The following HMGA2 variants were observed in gnomAD, a reference collection of about 807,000 sequenced individuals.
The protein encoded by HMGA2 is high mobility group protein HMGI-C.
A neutral mutation model predicts 19.1 loss-of-function variants in HMGA2; 8 were observed. The ratio of observed to expected loss-of-function variants is 0.42; its 90% confidence interval spans 0.25 to 0.76. The LOEUF (loss-of-function observed/expected upper bound fraction) is 0.76. Among genes scored for constraint, HMGA2 ranks in the 30% least tolerant of loss-of-function variants. The pLI, the probability that HMGA2 is intolerant of heterozygous loss-of-function variation, is 0.28. For synonymous variants in HMGA2, 60 were observed against 48.8 expected (o/e 1.23, Z -0.96); for missense variants, 109 against 136.3 (o/e 0.80, Z 1.00).
At chr12:65,920,938 A>G (rs1875284489) in intron 3 of HMGA2, among the ~76,000 whole-genome samples, 1 of 152,224 alleles carries the variant, frequency 6.6e-6, no homozygotes, top group African/African-American at 2.4e-5. Flanking sequence ...AGGGCTCACA[A>G]GAAGACAGGA....
chr12:65,865,461 G>A (rs1220717972), intron 3 of HMGA2, among the ~76,000 whole-genome samples: 1 of 152,078 alleles, frequency 6.6e-6, no homozygotes, highest in Non-Finnish European at 1.5e-5. Context: ...TATAGCTGTT[G>A]TTTTAAAATA....
chr12:65,898,988 A>G (rs1874255091), intron 3 of HMGA2, among the ~76,000 whole-genome samples: 1 of 147,048 alleles, frequency 6.8e-6, no homozygotes, highest in African/African-American at 2.6e-5. Flanking sequence ...AGCTTGCAGT[A>G]AGCGGAGATC....
At chr12:65,886,648 C>T (rs1003448714) in intron 3 of HMGA2, among the ~76,000 whole-genome samples, 3 of 152,132 alleles carry the variant, frequency 2.0e-5, no homozygotes, top group African/African-American at 7.2e-5. Context: ...TGAGACACAA[C>T]GCCCGGCGGG....
At chr12:65,913,012 A>G (rs774551123) in intron 3 of HMGA2, among the ~76,000 whole-genome samples, 4 of 152,310 alleles carry the variant, frequency 2.6e-5, no homozygotes, top group Non-Finnish European at 5.9e-5. Flanking sequence ...CAGATAAAAA[A>G]TCTCTATTGT....
intron 3 of HMGA2, among the ~76,000 whole-genome samples, chr12:65,899,984 C>T (rs977411647): frequency 6.6e-6 from 1 of 152,162 alleles, no homozygotes; most frequent in Admixed American, 6.5e-5. Context: ...AGGAGGGAAA[C>T]CTTTCGTCTC....
At chr12:65,927,905 A>G (rs892927884) in intron 3 of HMGA2, among the ~76,000 whole-genome samples, 24 of 147,774 alleles carry the variant, frequency 1.6e-4, no homozygotes, top group Non-Finnish European at 3.3e-4. Context: ...GTATATATGT[A>G]TGTATATACA....
intron 4 of HMGA2, chr12:65,954,366 A>AT (rs1457573978): frequency 2.6e-5 from 4 of 152,052 alleles, no homozygotes; most frequent in African/African-American, 7.2e-5. Flanking sequence ...GCTGGAGGAA[A>AT]TTTTCTAGTA....
intron 3 of HMGA2, chr12:65,915,052 T>C: frequency 6.2e-7 from 1 of 1,613,534 alleles, no homozygotes; most frequent in South Asian, 1.1e-5. Flanking sequence ...TGATGTCATA[T>C]CCACAGGACA....
At chr12:65,875,389 T>C (rs138568505) in intron 3 of HMGA2, among the ~76,000 whole-genome samples, 17 of 152,124 alleles carry the variant, frequency 1.1e-4, no homozygotes, top group African/African-American at 3.9e-4. Context: ...TGCAAAGAAA[T>C]ATTTTATTCA....
intron 3 of HMGA2, among the ~76,000 whole-genome samples, chr12:65,916,595 C>G (rs1303685786): frequency 6.6e-6 from 1 of 152,192 alleles, no homozygotes; most frequent in African/African-American, 2.4e-5. Flanking sequence ...AAACACGTGA[C>G]AGGAACTATT....
At chr12:65,903,421 CTT>C (rs1301911714) in intron 3 of HMGA2, among the ~76,000 whole-genome samples, 2 of 152,072 alleles carry the variant, frequency 1.3e-5, no homozygotes, top group Non-Finnish European at 2.9e-5. Flanking sequence ...TATTAGGAAA[CTT>C]TGGAGAAATG....
At chr12:65,844,028 G>A (rs1871128913) in intron 3 of HMGA2, among the ~76,000 whole-genome samples, 2 of 139,118 alleles carry the variant, frequency 1.4e-5, no homozygotes, top group African/African-American at 5.9e-5. Flanking sequence ...TACAGCCTGG[G>A]CAACAGAGCA....
intron 3 of HMGA2, chr12:65,915,067 A>G (rs1484851122): frequency 1.2e-6 from 2 of 1,613,746 alleles, no homozygotes; most frequent in Non-Finnish European, 1.7e-6. Context: ...AGGACAATCT[A>G]CTACCAAGAA....
At chr12:65,913,900 A>G (rs553325624) in intron 3 of HMGA2, among the ~76,000 whole-genome samples, 2 of 152,326 alleles carry the variant, frequency 1.3e-5, no homozygotes, top group East Asian at 3.9e-4. Context: ...TCAGTTCACT[A>G]TTTCCTGGCA....
At chr12:65,899,348 T>G (rs1379662651) in intron 3 of HMGA2, among the ~76,000 whole-genome samples, 2 of 152,222 alleles carry the variant, frequency 1.3e-5, no homozygotes, top group Non-Finnish European at 1.5e-5. Context: ...ACATTTAACT[T>G]TTTTCTCCCA....
chr12:65,857,494 G>A (rs2120954719), intron 3 of HMGA2: 1 of 152,244 alleles, frequency 6.6e-6, no homozygotes, highest in Middle Eastern at 3.4e-3. Context: ...AATATTTAAT[G>A]GTGTGTATTC....
At chr12:65,926,507 T>C (rs1039237851) in intron 3 of HMGA2, among the ~76,000 whole-genome samples, 5 of 152,186 alleles carry the variant, frequency 3.3e-5, no homozygotes, top group Admixed American at 1.3e-4. Context: ...TAGTAGCAAG[T>C]TTTTCTCTAA....
intron 3 of HMGA2, among the ~76,000 whole-genome samples, chr12:65,868,532 C>T (rs1463329239): frequency 3.3e-5 from 5 of 152,028 alleles, no homozygotes; most frequent in African/African-American, 1.2e-4. Context: ...GGCAATGAGT[C>T]ACCTCACTTG....
intron 3 of HMGA2, among the ~76,000 whole-genome samples, chr12:65,891,041 A>G (rs771184004): frequency 6.6e-6 from 1 of 152,130 alleles, no homozygotes; most frequent in Non-Finnish European, 1.5e-5. Flanking sequence ...GACTTCTTCA[A>G]TATATTCGTA....
Sources: gnomAD v4.1 joint callset for allele counts (sites outside exome capture counted in the v4.1 genomes callset) on GRCh38, gnomAD v4.1.1 for gene constraint, MANE v1.5 for transcripts, NCBI Gene and HGNC (gene_info 2026-07-23, HGNC 2026-07-21) for gene names.